CDC37L1: variants seen among roughly 807,000 people sequenced by gnomAD.
The protein encoded by CDC37L1 is cell division cycle 37 like 1, HSP90 cochaperone.
Under a neutral mutation model 45.9 loss-of-function variants are expected in CDC37L1, and 32 were observed. That is an observed-to-expected ratio of 0.70 (90% CI 0.53 to 0.94). The LOEUF is 0.94. CDC37L1 is among the 40% of genes least tolerant of loss of function. CDC37L1 has a pLI of 0.00. For missense variants in CDC37L1, 434 were observed against 405.7 expected, an observed-to-expected ratio of 1.07 and a Z score of -0.60; for synonymous variants, 150 against 133.0, an observed-to-expected ratio of 1.13 and a Z score of -0.88.
intron 3 of CDC37L1, 131 bp from the exon 4 acceptor site, chr9:4,696,965 T>C (rs1841353557): frequency 5.1e-6 from 3 of 584,050 alleles, no homozygotes; most frequent in South Asian, 4.3e-5. Context: ...TCTGGTAATA[T>C]GAATTGTCTT....
chr9:4,681,200 C>T (rs1841190129), intron 1 of CDC37L1, among the ~76,000 whole-genome samples: 1 of 152,206 alleles, frequency 6.6e-6, no homozygotes, highest in Non-Finnish European at 1.5e-5. Flanking sequence ...TCAAGAATTT[C>T]AGTGCATTGT....
chr9:4,691,046 A>G (rs1841295613), intron 3 of CDC37L1, among the ~76,000 whole-genome samples: 1 of 152,246 alleles, frequency 6.6e-6, no homozygotes, highest in African/African-American at 2.4e-5. Flanking sequence ...GACACAAGAC[A>G]GTGAAAATTT....
chr9:4,690,475 A>G lies in CDC37L1; in HGVS notation c.508+1869A>G, dbSNP rs78566814. On this transcript the variant is annotated intron_variant, in intron 3 of 6. Transcript: ENST00000381854. ...TGTTCAGTGGCTAAACTGGATTAGG[A>G]TACTAGAACATCCTTGAGGGGAGAG... Among the ~76,000 whole-genome samples, 1,068 of 152,058 alleles carry G rather than the reference A, an allele frequency of 7.0e-3. 15 individuals are homozygous for G. Among genetic ancestry groups the G allele is most frequent in the African/African-American group, 0.024 (998 of 41,438 alleles).
chr9:4,679,877 A>C lies in CDC37L1; in HGVS notation c.110A>C (p.Gln37Pro). The C allele has an allele frequency of 6.2e-7, 1 of 1,613,840 alleles. No homozygotes were observed. The highest frequency in any genetic ancestry group is 8.5e-7 in the Non-Finnish European group (1 of 1,179,934). ...TTCCCCAGTTCTCCCCGCTGCCCGC[A>C]GCTGCCAGGCGGCGGCGCCCAGGTG... ...DVFPSSPRCP[Q>P]LPGGGAQMYS... Residue 37 changes from glutamine to proline, a missense_variant, in exon 1 of 7, where the codon CAG becomes CCG. By Grantham distance (76) the Gln-to-Pro change is moderately conservative. Transcript: ENST00000381854.
intron 4 of CDC37L1, 38 bp downstream of exon 4, chr9:4,697,249 G>A (rs1313083631): frequency 4.5e-6 from 4 of 895,786 alleles, no homozygotes; most frequent in African/African-American, 1.7e-5. Context: ...GGGAACCTTA[G>A]TGGAAATCTG....
In CDC37L1 at chr9:4,706,280, T is replaced by TTTTTG. The variant is rs536162441; in HGVS notation, c.*181_*185dup. 456 of 440,890 alleles carry TTTTTG rather than the reference T, an allele frequency of 1.0e-3. 1 individual carries two copies. The highest frequency in any genetic ancestry group is 3.5e-3 in the African/African-American group (177 of 51,108). 27.3% of individuals were successfully genotyped at this position (440,890 alleles called of 1,614,324 possible). ...AATTTTTTTTAATGTGCTGCTAGGT[T>TTTTTG]TTTTGTTTTGTTTTGTTCTGAAGAG... is the stretch of plus-strand genomic sequence containing the variant. On this transcript the variant is annotated 3_prime_UTR_variant, in exon 7 of 7. Coordinates refer to ENST00000381854, the MANE Select transcript of CDC37L1 (RefSeq NM_017913.4).
chr9:4,682,365 C>T (rs1234154917), intron 1 of CDC37L1, among the ~76,000 whole-genome samples: 73 of 112,850 alleles, frequency 6.5e-4, no homozygotes, highest in African/African-American at 3.2e-3. Flanking sequence ...CTCGCTGTGT[C>T]ACCCAGGCTG....
intron 6 of CDC37L1, among the ~76,000 whole-genome samples, chr9:4,704,638 T>C (rs1274836007): frequency 1.3e-5 from 2 of 152,190 alleles, no homozygotes; most frequent in East Asian, 1.9e-4. Flanking sequence ...GAAAAAGGTC[T>C]TAAAGCTGTT....
intron 3 of CDC37L1, among the ~76,000 whole-genome samples, chr9:4,695,842 G>A (rs1286200584): frequency 1.3e-5 from 2 of 152,210 alleles, no homozygotes; most frequent in Non-Finnish European, 2.9e-5. Flanking sequence ...CCAGGCTGGA[G>A]TGCTGTGGTG....
intron 5 of CDC37L1, 27 bp downstream of exon 5, chr9:4,697,906 T>A: frequency 6.2e-7 from 1 of 1,609,672 alleles, no homozygotes; most frequent in Non-Finnish European, 8.5e-7. Flanking sequence ...TATTGATAAA[T>A]GGGAAGATTT....
chr9:4,693,268 C>A (rs1382422684), intron 3 of CDC37L1, among the ~76,000 whole-genome samples: 3 of 147,896 alleles, frequency 2.0e-5, no homozygotes, highest in African/African-American at 5.0e-5. Context: ...ACAGTGAAAC[C>A]TCATCTCTAC....
At chr9:4,704,835 A>G (rs2130855956) in intron 6 of CDC37L1, among the ~76,000 whole-genome samples, 2 of 152,272 alleles carry the variant, frequency 1.3e-5, no homozygotes, top group Admixed American at 1.3e-4. Context: ...ATATAGAAAT[A>G]ATAACAGTTA....
Position 4,697,279 on chromosome 9 carries a change from T to C in CDC37L1, c.624+68T>C. On this transcript the variant is annotated intron_variant, in intron 4 of 6. Coordinates refer to ENST00000381854, the MANE Select transcript of CDC37L1 (RefSeq NM_017913.4). The stretch of plus-strand genomic sequence containing the variant: ...AATCTGATTTCATACTTTATTGATG[T>C]TTTGTTTTGTTTTCTACATTAAGTC... 4 of 755,596 alleles carry C rather than the reference T, an allele frequency of 5.3e-6. No homozygotes were observed. In the South Asian group the frequency reaches 6.2e-5, roughly 12 times the overall value. The allele number at this position is 755,596 out of a possible 1,614,324, so 46.8% of individuals were successfully genotyped here. A position where few individuals can be genotyped will look rare whatever the true frequency, so the allele number is the denominator to read the frequency against.
chr9:4,698,353 A>G (rs1291110890), intron 5 of CDC37L1, among the ~76,000 whole-genome samples: 2 of 151,570 alleles, frequency 1.3e-5, no homozygotes, highest in Non-Finnish European at 2.9e-5. Flanking sequence ...GGTACATAGA[A>G]TATCATGCAC....
intron 3 of CDC37L1, among the ~76,000 whole-genome samples, chr9:4,695,376 C>T (rs1313298668): frequency 6.6e-6 from 1 of 152,166 alleles, no homozygotes; most frequent in African/African-American, 2.4e-5. Flanking sequence ...TAAGTAACTT[C>T]CATAATCATT....
chr9:4,690,387 T>C (rs1462085284), intron 3 of CDC37L1, among the ~76,000 whole-genome samples: 1 of 152,176 alleles, frequency 6.6e-6, no homozygotes, highest in Non-Finnish European at 1.5e-5. Flanking sequence ...GATGGCTGGC[T>C]GATCTCTGCA....
intron 6 of CDC37L1, among the ~76,000 whole-genome samples, chr9:4,703,912 TCTC>T (rs914137678): frequency 2.0e-5 from 3 of 152,178 alleles, no homozygotes; most frequent in Non-Finnish European, 2.9e-5. Context: ...GCTGGGCTAA[TCTC>T]CTCATGGTGG....
chr9:4,679,997 A>G, intron 1 of CDC37L1, 98 bp downstream of exon 1: 1 of 1,453,018 alleles, frequency 6.9e-7, no homozygotes, highest in Non-Finnish European at 9.3e-7. Flanking sequence ...GCCTTTTTCT[A>G]CGCCCACCTC....
intron 2 of CDC37L1, among the ~76,000 whole-genome samples, 164 bp from the exon 3 acceptor site, chr9:4,688,349 A>C (rs894878255): frequency 1.3e-5 from 2 of 152,228 alleles, no homozygotes; most frequent in African/African-American, 4.8e-5. Flanking sequence ...AGAAAATTTT[A>C]ATTTTTAAAA....
Sources: allele counts gnomAD v4.1 joint callset (sites outside exome capture counted in the v4.1 genomes callset), GRCh38; gene constraint gnomAD v4.1.1; transcripts MANE v1.5; gene names NCBI Gene and HGNC (gene_info 2026-07-23, HGNC 2026-07-21).